MAP4: variants seen among roughly 807,000 people sequenced by gnomAD.
The protein encoded by MAP4 is microtubule associated protein 4.
A neutral mutation model predicts 170.2 loss-of-function variants in MAP4; 76 were observed. The observed-to-expected ratio is 0.45, with a 90% confidence interval of 0.37 to 0.54. MAP4 has a LOEUF of 0.54. Ranked by LOEUF, MAP4 falls within the 20% of genes least tolerant of loss-of-function variation. The pLI, the probability that MAP4 is intolerant of heterozygous loss-of-function variation, is 0.00. For missense variants in MAP4, 2,506 were observed against 2,748.0 expected (o/e 0.91, Z 1.97); for synonymous variants, 909 against 994.5 (o/e 0.91, Z 1.62).
chr3:47,955,438 A>T (rs1386786210), intron 3 of MAP4, among the ~76,000 whole-genome samples: 1 of 15,374 alleles, frequency 6.5e-5, no homozygotes, highest in Non-Finnish European at 6.1e-4. Context: ...AAGCACGTAC[A>T]CACACACACA....
intron 1 of MAP4, among the ~76,000 whole-genome samples, chr3:48,034,925 T>C (rs530188946): frequency 1.3e-5 from 2 of 151,780 alleles, no homozygotes; most frequent in African/African-American, 4.8e-5. Context: ...AGGTGAAAGA[T>C]TTGCTTGAGA....
At chr3:48,056,507 C>A (rs1442853025) in intron 1 of MAP4, among the ~76,000 whole-genome samples, 1 of 79,132 alleles carries the variant, frequency 1.3e-5, no homozygotes, top group Non-Finnish European at 2.5e-5. Flanking sequence ...CAGCCCTCCC[C>A]CCGGCCAGCC....
intron 17 of MAP4, among the ~76,000 whole-genome samples, chr3:47,864,239 T>C (rs1364171984): frequency 2.0e-5 from 3 of 152,122 alleles, no homozygotes; most frequent in African/African-American, 4.8e-5. Flanking sequence ...CTGGCCTTAT[T>C]TTAAAAGATA....
intron 1 of MAP4, among the ~76,000 whole-genome samples, chr3:48,055,183 TCTCCCTCTCC>T (rs2100130203): frequency 1.6e-5 from 1 of 62,082 alleles, no homozygotes; most frequent in Non-Finnish European, 3.6e-5. Context: ...AAAGTCTCCC[TCTCCCTCTCC>T]CTCTCCGTCT....
rs2100035313 is a variant in MAP4, at chr3:47,910,250, G to A, written c.4171C>T (p.His1391Tyr). 1.2e-6 allele frequency: 2 copies of A among 1,607,890 alleles called. No individual in the cohort carries two copies. Among genetic ancestry groups the A allele is most frequent in the Admixed American group, 1.7e-5 (1 of 59,930 alleles). The change falls in exon 9 of 21, where the codon CAT becomes TAT. Residue 1391 changes from histidine to tyrosine, a missense_variant. By Grantham distance (83) the His-to-Tyr change is moderately conservative. This residue lies in a region of MAP4 where 2,008 missense variants were observed against 2,206.0 expected (regional missense o/e 0.91). Transcript: ENST00000683076. Reference protein sequence around the residue: ...LENKIDATKIHVPMETTGDQG... With the variant: ...LENKIDATKIYVPMETTGDQG... ...TCCCCTGTGGTTTCCATGGGAACAT[G>A]TATTTTTGTTGCATCTATCTTATTC...
At chr3:47,979,335 T>C (rs1187916010) in intron 2 of MAP4, among the ~76,000 whole-genome samples, 3 of 152,152 alleles carry the variant, frequency 2.0e-5, no homozygotes, top group African/African-American at 7.2e-5. Context: ...GAATTGCCTT[T>C]GCACCTTTGT....
Position 47,852,379 on chromosome 3 carries a change from AG to A in MAP4, c.*554del, listed in dbSNP as rs548056167. ...AGGGCCCGACACCACCTGCATGGGGAGGGGGGGGCGCCCATTTGTGGGACCA... is the reference window on the plus strand; with the variant it reads ...AGGGCCCGACACCACCTGCATGGGGAGGGGGGGCGCCCATTTGTGGGACCA... On this transcript the variant is annotated 3_prime_UTR_variant, in exon 21 of 21. Coordinates refer to ENST00000683076, the MANE Select transcript of MAP4 (RefSeq NM_001385682.1). The A allele has an allele frequency of 1.3e-4, 24 of 179,486 alleles. No individual in the cohort carries two copies. Among genetic ancestry groups the A allele is most frequent in the Non-Finnish European group, 2.1e-4 (18 of 87,182 alleles). The allele number at this position is 179,486 out of a possible 1,614,324, so 11.1% of individuals were successfully genotyped here. A position where few individuals can be genotyped will look rare whatever the true frequency, so the allele number is the denominator to read the frequency against.
At chr3:48,050,494 A>G (rs549043417) in intron 1 of MAP4, among the ~76,000 whole-genome samples, 17 of 152,112 alleles carry the variant, frequency 1.1e-4, no homozygotes, top group African/African-American at 3.6e-4. Flanking sequence ...AAAAAGAAAT[A>G]CAAATTAAAC....
intron 1 of MAP4, among the ~76,000 whole-genome samples, chr3:48,001,559 G>A (rs188233926): frequency 6.6e-6 from 1 of 152,110 alleles, no homozygotes; most frequent in Admixed American, 6.5e-5. Flanking sequence ...TCTTTTTGAG[G>A]CAGAGTCTTG....
intron 3 of MAP4, among the ~76,000 whole-genome samples, chr3:47,943,974 A>T (rs1275355863): frequency 6.6e-6 from 1 of 152,004 alleles, no homozygotes; most frequent in Non-Finnish European, 1.5e-5. Context: ...TACTGAATGT[A>T]CTTGTTCCTA....
intron 17 of MAP4, among the ~76,000 whole-genome samples, chr3:47,864,595 T>C (rs1000905330): frequency 6.6e-6 from 1 of 152,184 alleles, no homozygotes; most frequent in African/African-American, 2.4e-5. Flanking sequence ...GAGAATAGCA[T>C]CAATCCGGGA....
At chr3:47,881,295 AAG>A (rs1359167244) in intron 10 of MAP4, among the ~76,000 whole-genome samples, 1 of 150,910 alleles carries the variant, frequency 6.6e-6, no homozygotes, top group Non-Finnish European at 1.5e-5. Flanking sequence ...CAAAAATCGA[AAG>A]AAAATTAGTG....
Position 47,858,614 on chromosome 3 carries a change from T to TGTGTGTGTGTGTGC in MAP4, c.6502-1103_6502-1102insGCACACACACACAC, listed in dbSNP as rs1491506129. Among the ~76,000 whole-genome samples the TGTGTGTGTGTGTGC allele has an allele frequency of 3.0e-3, 420 of 138,494 alleles. 3 individuals are homozygous for TGTGTGTGTGTGTGC. The highest frequency in any genetic ancestry group is 0.012 in the African/African-American group (403 of 34,502). The allele number at this position is 138,494 out of a possible 152,430, so 90.9% of individuals were successfully genotyped here. On this transcript the variant is annotated intron_variant, in intron 17 of 20. Transcript: ENST00000683076. ...GTGTGTGTGTGTGTGTGTGTGTGTG[T>TGTGTGTGTGTGTGC]GCGCGTTGTGTGTGTGTGTGTGTGT...
At chr3:47,863,921 G>GGGGTGTGTGTGTGTGT (rs1553728648) in intron 17 of MAP4, among the ~76,000 whole-genome samples, 4 of 110,794 alleles carry the variant, frequency 3.6e-5, no homozygotes, top group African/African-American at 1.8e-4. Flanking sequence ...TGTGGGTGTG[G>GGGGTGTGTGTGTGTGT]GTGTGTGTGT....
intron 10 of MAP4, among the ~76,000 whole-genome samples, chr3:47,895,068 T>C (rs1192230518): frequency 6.6e-6 from 1 of 150,990 alleles, no homozygotes; most frequent in Admixed American, 6.6e-5. Context: ...TAATACAGTC[T>C]GAATATACCA....
intron 1 of MAP4, among the ~76,000 whole-genome samples, chr3:48,059,318 C>A (rs1298632962): frequency 2.6e-5 from 4 of 151,672 alleles, no homozygotes; most frequent in African/African-American, 2.4e-5. Context: ...GGTTCGAGAC[C>A]ACCCTGGGCA....
chr3:47,952,391 C>T (rs2100064893), intron 3 of MAP4, among the ~76,000 whole-genome samples: 1 of 152,124 alleles, frequency 6.6e-6, no homozygotes, highest in African/African-American at 2.4e-5. Flanking sequence ...GAGGTGTACC[C>T]AACAGCTCAT....
chr3:47,919,596 C>A lies in MAP4; in HGVS notation c.530-755G>T, dbSNP rs554088851. ...GTGCTGGGATTACAGGTGTGAGACA[C>A]CGCGCCCGGCCGACAACGCAAACAA... On this transcript the variant is annotated intron_variant, in intron 5 of 20. Transcript: ENST00000683076. 2.2e-3 allele frequency among the ~76,000 whole-genome samples: 332 copies of A among 152,324 alleles called. 1 individual carries two copies. Among genetic ancestry groups the A allele is most frequent in the African/African-American group, 7.5e-3 (312 of 41,564 alleles).
At chr3:47,858,593 GTGTGTGTGTGTGTGTGTGTGTGCGCGT>G (rs1419431229) in intron 17 of MAP4, among the ~76,000 whole-genome samples, 1 of 137,762 alleles carries the variant, frequency 7.3e-6, no homozygotes, top group Non-Finnish European at 1.5e-5. Flanking sequence ...GGTGGTGTGT[GTGTGTGTGTGTGTGTGTGTGTGCGCGT>G]TGTGTGTGTG....
Sources: gnomAD v4.1 joint callset for allele counts (sites outside exome capture counted in the v4.1 genomes callset) on GRCh38, gnomAD v4.1.1 for gene constraint, gnomAD v4.1.1 regional missense constraint, MANE v1.5 for transcripts, NCBI Gene and HGNC (gene_info 2026-07-23, HGNC 2026-07-21) for gene names.